GAB2: variants seen among roughly 807,000 people sequenced by gnomAD.
The protein encoded by GAB2 is GRB2-associated-binding protein 2.
GAB2 carries 26 observed loss-of-function variants against 65.5 expected under a neutral mutation model. The observed-to-expected ratio is 0.40, with a 90% CI of 0.29 to 0.55. GAB2 has a LOEUF of 0.55. Ranked by LOEUF, GAB2 falls within the 20% of genes least tolerant of loss-of-function variation. The pLI, the probability that GAB2 is intolerant of heterozygous loss-of-function variation, is 0.53. For missense variants in GAB2, 884 were observed against 875.8 expected (o/e 1.01, Z -0.12); for synonymous variants, 321 against 329.6 (o/e 0.97, Z 0.28).
intron 1 of GAB2, among the ~76,000 whole-genome samples, chr11:78,360,122 C>T (rs1192233844): frequency 6.6e-6 from 1 of 152,064 alleles, no homozygotes; most frequent in Admixed American, 6.5e-5. Flanking sequence ...CTGGAGCCAC[C>T]GGAAGCCAAA....
At chr11:78,272,463 A>G (rs1866041464) in intron 2 of GAB2, among the ~76,000 whole-genome samples, 1 of 152,202 alleles carries the variant, frequency 6.6e-6, no homozygotes, top group South Asian at 2.1e-4. Flanking sequence ...GGCTGGAAGC[A>G]TTTTACCCCT....
At chr11:78,406,613 G>C (rs977312179) in intron 1 of GAB2, among the ~76,000 whole-genome samples, 2 of 152,114 alleles carry the variant, frequency 1.3e-5, no homozygotes, top group African/African-American at 2.4e-5. Flanking sequence ...CCTGACCTCA[G>C]GTGACTCACC....
intron 2 of GAB2, among the ~76,000 whole-genome samples, chr11:78,270,153 C>G (rs1865974393): frequency 6.6e-6 from 1 of 151,926 alleles, no homozygotes; most frequent in African/African-American, 2.4e-5. Context: ...ATGGTGAAAC[C>G]CCGTTTCTAC....
At chr11:78,232,791 CCAAT>C (rs758317929) in intron 3 of GAB2, among the ~76,000 whole-genome samples, 41 of 152,158 alleles carry the variant, frequency 2.7e-4, no homozygotes, top group Non-Finnish European at 4.7e-4. Flanking sequence ...CCTCAGTAAT[CCAAT>C]CAGACACAGT....
chr11:78,368,192 A>G (rs1856523064), intron 1 of GAB2, among the ~76,000 whole-genome samples: 1 of 152,190 alleles, frequency 6.6e-6, no homozygotes, highest in Non-Finnish European at 1.5e-5. Flanking sequence ...CCACATGCTG[A>G]GGTATTTCTT....
intron 1 of GAB2, among the ~76,000 whole-genome samples, chr11:78,377,775 G>A (rs1856649701): frequency 6.6e-6 from 1 of 152,100 alleles, no homozygotes; most frequent in Non-Finnish European, 1.5e-5. Flanking sequence ...TTACTACGTA[G>A]TTAAGTACAC....
rs183682800 is a variant in GAB2 at position 78,309,005 on chromosome 11, A to G, written c.76-28104T>C. On this transcript the variant is annotated intron_variant, in intron 1 of 9. Coordinates refer to ENST00000361507, the MANE Select transcript of GAB2 (RefSeq NM_080491.3). ...CAGGAAGAGAAATTAACAGCTAGTC[A>G]CGACAGTACAGGCAAGGGAGAGCCT... Among the ~76,000 whole-genome samples, 70 of 152,350 alleles carry G rather than the reference A, an allele frequency of 4.6e-4. No homozygotes were observed. In the East Asian group the frequency reaches 0.012, roughly 26 times the overall value.
At chr11:78,239,207 TTTTAA>T (rs1034925861) in intron 3 of GAB2, among the ~76,000 whole-genome samples, 5 of 152,068 alleles carry the variant, frequency 3.3e-5, no homozygotes, top group African/African-American at 7.2e-5. Context: ...ACATTTTAAA[TTTTAA>T]TTTAATTTAA....
At chr11:78,391,054 T>A (rs545315291) in intron 1 of GAB2, among the ~76,000 whole-genome samples, 1 of 152,326 alleles carries the variant, frequency 6.6e-6, no homozygotes, top group South Asian at 2.1e-4. Context: ...AAGGAGACTT[T>A]ATCCTGAAAA....
At chr11:78,274,613 G>T (rs1030089596) in intron 2 of GAB2, among the ~76,000 whole-genome samples, 2 of 152,188 alleles carry the variant, frequency 1.3e-5, no homozygotes. Flanking sequence ...AATCAGAGTG[G>T]TGATTTGAAC....
intron 1 of GAB2, among the ~76,000 whole-genome samples, chr11:78,339,008 C>T (rs532483390): frequency 7.2e-5 from 11 of 152,162 alleles, no homozygotes; most frequent in Non-Finnish European, 1.3e-4. Flanking sequence ...CTACAACCTC[C>T]GCCTCCCAGG....
chr11:78,372,745 G>C (rs372812898), intron 1 of GAB2, among the ~76,000 whole-genome samples: 1 of 152,056 alleles, frequency 6.6e-6, no homozygotes, highest in Admixed American at 6.5e-5. Context: ...AATCAAAATC[G>C]TAACACACTT....
chr11:78,231,202 TGA>T (rs1864836705), intron 3 of GAB2, among the ~76,000 whole-genome samples: 1 of 152,182 alleles, frequency 6.6e-6, no homozygotes, highest in Non-Finnish European at 1.5e-5. Context: ...AAAAGAAGTT[TGA>T]GAGAAGATAT....
chr11:78,240,201 G>C (rs1254194647), intron 3 of GAB2, among the ~76,000 whole-genome samples: 1 of 152,082 alleles, frequency 6.6e-6, no homozygotes, highest in Non-Finnish European at 1.5e-5. Context: ...TGACTCCCCA[G>C]AATGAGGTAC....
chr11:78,391,873 A>T (rs1856837751), intron 1 of GAB2, among the ~76,000 whole-genome samples: 1 of 152,194 alleles, frequency 6.6e-6, no homozygotes, highest in Non-Finnish European at 1.5e-5. Flanking sequence ...TTTAATCATG[A>T]CCAAAGATGT....
chr11:78,407,722 AAAAG>A (rs3054215), intron 1 of GAB2, among the ~76,000 whole-genome samples: 3,647 of 144,112 alleles, frequency 0.025, 148 homozygotes, highest in African/African-American at 0.083. Context: ...TTCCGTCCCA[AAAAG>A]AAAGAAAGAA....
intron 3 of GAB2, among the ~76,000 whole-genome samples, chr11:78,248,256 C>G (rs951154907): frequency 6.6e-6 from 1 of 151,998 alleles, no homozygotes; most frequent in African/African-American, 2.4e-5. Flanking sequence ...AGAGTGGGCC[C>G]TAAAGGCTAA....
At chr11:78,232,058 A>G (rs1399817111) in intron 3 of GAB2, 1 of 152,228 alleles carries the variant, frequency 6.6e-6, no homozygotes, top group Admixed American at 6.5e-5. Context: ...TTCTGAGCCA[A>G]TTTTGGCAGG....
chr11:78,409,999 C>G (rs1042368922), intron 1 of GAB2, among the ~76,000 whole-genome samples: 3 of 151,912 alleles, frequency 2.0e-5, no homozygotes, highest in Non-Finnish European at 4.4e-5. Context: ...CATTTGGAAA[C>G]TAAACAATGT....
Sources: allele counts gnomAD v4.1 joint callset (sites outside exome capture counted in the v4.1 genomes callset), GRCh38; gene constraint gnomAD v4.1.1; transcripts MANE v1.5; gene names NCBI Gene and HGNC (gene_info 2026-07-23, HGNC 2026-07-21).